SETBP1: variants seen among roughly 807,000 people sequenced by gnomAD.
SETBP1 encodes the protein SET binding protein 1.
SETBP1 carries 9 observed loss-of-function variants against 101.0 expected under a neutral mutation model. That is an observed-to-expected ratio of 0.09 (90% confidence interval 0.05 to 0.16). SETBP1 has a LOEUF of 0.16. Among genes scored for constraint, SETBP1 ranks in the 10% least tolerant of loss-of-function variants. The pLI is 1.00. For missense variants in SETBP1, 1,858 were observed against 2,033.8 expected (o/e 0.91, Z 1.66); for synonymous variants, 818 against 788.5 (o/e 1.04, Z -0.63).
intron 3 of SETBP1, chr18:44,876,781 C>A (rs1599262833): frequency 6.8e-7 from 1 of 1,477,506 alleles, no homozygotes. Flanking sequence ...AAAGCCCACA[C>A]CTGTGGTCAT....
chr18:44,961,394 G>A (rs747304832), intron 4 of SETBP1, among the ~76,000 whole-genome samples: 19 of 152,168 alleles, frequency 1.2e-4, no homozygotes, highest in South Asian at 4.1e-4. Context: ...TTGGAGCCTC[G>A]TGGACTGTGT....
chr18:44,910,674 G>T (rs566078104), intron 3 of SETBP1, among the ~76,000 whole-genome samples: 1 of 152,016 alleles, frequency 6.6e-6, no homozygotes, highest in African/African-American at 2.4e-5. Context: ...TAAATTTCTT[G>T]CCCTGTCATA....
Position 44,877,030 on chromosome 18 carries a change from A to T in SETBP1, c.540+7747A>T, listed in dbSNP as rs371126000. The T allele has an allele frequency of 6.0e-5, 68 of 1,137,990 alleles. No individual in the cohort carries two copies. In the African/African-American group the frequency reaches 1.1e-3, roughly 18 times the overall value. 70.5% of individuals were successfully genotyped at this position (1,137,990 alleles called of 1,614,324 possible). On this transcript the variant is annotated intron_variant, in intron 3 of 5. Transcript: ENST00000649279. Reference sequence around the variant, plus strand: ...TGATCCCATGAGTTTGCTTGCTCAGACGATCACTTAGGAAACACATGCCTT... The same window carrying T: ...TGATCCCATGAGTTTGCTTGCTCAGTCGATCACTTAGGAAACACATGCCTT...
intron 5 of SETBP1, among the ~76,000 whole-genome samples, chr18:45,044,644 A>G (rs1189552820): frequency 2.0e-5 from 3 of 152,208 alleles, no homozygotes; most frequent in Non-Finnish European, 2.9e-5. Flanking sequence ...AACCTTCCAG[A>G]ATCTGACCCT....
rs766932372 is a variant in SETBP1, at chr18:44,952,058, G to A, written c.2718G>A (p.Pro906=). The change falls in exon 4 of 6, where the codon CCG becomes CCA. Residue 906 remains proline (P), a synonymous_variant. Coordinates refer to ENST00000649279, the MANE Select transcript of SETBP1 (RefSeq NM_015559.3). ...CCCTGGACAACCCGGAGGCCATTCC[G>A]TCCGACACCAGCACAAAGAACCGGC... ...FCSLDNPEAI[P]SDTSTKNRHG... is the part of the protein sequence containing the mutation. 8.7e-6 allele frequency: 14 copies of A among 1,613,904 alleles called. No homozygotes were observed. Among genetic ancestry groups the A allele is most frequent in the South Asian group, 1.1e-5 (1 of 91,078 alleles).
rs144197799 is a variant in SETBP1, at chr18:45,042,476, G to A, written c.4171+3821G>A. Among the ~76,000 whole-genome samples the A allele has an allele frequency of 9.7e-4, 147 of 152,228 alleles. 2 individuals carry two copies. The East Asian group carries it at 0.025, about 25-fold the overall frequency. ...TCATTTGACAGGCACTTTGTAGGCCGCTGGAAAATACTTGCCAAATAATTT... is the reference window on the plus strand; with the variant it reads ...TCATTTGACAGGCACTTTGTAGGCCACTGGAAAATACTTGCCAAATAATTT... On this transcript the variant is annotated intron_variant, in intron 5 of 5. Transcript: ENST00000649279.
chr18:44,953,029 C>A lies in SETBP1; in HGVS notation c.3689C>A (p.Thr1230Asn). 1 of 1,614,186 alleles carries A rather than the reference C, an allele frequency of 6.2e-7. No individual in the cohort carries two copies. The highest frequency in any genetic ancestry group is 8.5e-7 in the Non-Finnish European group (1 of 1,180,042). Residue 1230 changes from threonine to asparagine, a missense_variant, in exon 4 of 6, where the codon ACC becomes AAC. Transcript: ENST00000649279. ...TCTAAGAACAACTTTGAGGTGGACA[C>A]CCTGTCTACACTGTCACTTTCCGAC... ...KASKNNFEVDTLSTLSLSDAQ... is the reference protein window; with the variant it reads ...KASKNNFEVDNLSTLSLSDAQ...
intron 2 of SETBP1, among the ~76,000 whole-genome samples, chr18:44,778,928 TCGAGCTG>T (rs3085801): frequency 0.78 from 118,095 of 151,488 alleles, 46,207 homozygotes; most frequent in Admixed American, 0.84. Context: ...GTCAGAGCCT[TCGAGCTG>T]CGAGCTGAGC....
chr18:45,045,935 G>A (rs888955108), intron 5 of SETBP1, among the ~76,000 whole-genome samples: 2 of 151,928 alleles, frequency 1.3e-5, no homozygotes, highest in African/African-American at 4.8e-5. Context: ...CCTTTGAATG[G>A]CTAATTCATG....
intron 2 of SETBP1, among the ~76,000 whole-genome samples, chr18:44,737,006 A>G (rs2069984228): frequency 6.6e-6 from 1 of 152,198 alleles, no homozygotes; most frequent in Admixed American, 6.5e-5. Context: ...TGTTGAACAC[A>G]GGGCCTGGTA....
At chr18:44,910,007 T>C (rs796983374) in intron 3 of SETBP1, among the ~76,000 whole-genome samples, 94 of 152,364 alleles carry the variant, frequency 6.2e-4, no homozygotes, top group African/African-American at 2.2e-3. Context: ...CTATGGTTTC[T>C]TGTCTATGAA....
intron 1 of SETBP1, among the ~76,000 whole-genome samples, chr18:44,693,251 T>C (rs1271632031): frequency 6.6e-6 from 1 of 152,142 alleles, no homozygotes; most frequent in Non-Finnish European, 1.5e-5. Flanking sequence ...AATGAGTAAT[T>C]TGGAGTGTCT....
chr18:45,025,460 T>C (rs909431603), intron 4 of SETBP1, among the ~76,000 whole-genome samples: 2 of 152,186 alleles, frequency 1.3e-5, no homozygotes, highest in Non-Finnish European at 2.9e-5. Context: ...CTACTAGAGA[T>C]AAAGATTAGG....
intron 1 of SETBP1, among the ~76,000 whole-genome samples, chr18:44,686,345 T>C (rs932614140): frequency 1.3e-5 from 2 of 152,256 alleles, no homozygotes; most frequent in Admixed American, 6.5e-5. Flanking sequence ...GTTTCTTCAC[T>C]GACTCTGGAC....
intron 4 of SETBP1, among the ~76,000 whole-genome samples, chr18:44,962,744 G>C (rs545623963): frequency 1.2e-4 from 18 of 152,304 alleles, no homozygotes; most frequent in African/African-American, 4.1e-4. Flanking sequence ...TAAGAAGAAG[G>C]AGGCATTAAG....
At chr18:44,766,804 T>G (rs2070771285) in intron 2 of SETBP1, among the ~76,000 whole-genome samples, 1 of 152,060 alleles carries the variant, frequency 6.6e-6, no homozygotes, top group African/African-American at 2.4e-5. Flanking sequence ...AGACCCTGTC[T>G]CTGAAAAAAA....
chr18:44,945,555 A>G (rs960516915), intron 3 of SETBP1, among the ~76,000 whole-genome samples: 1 of 152,122 alleles, frequency 6.6e-6, no homozygotes. Context: ...ACAAACAATC[A>G]ACTCTTGGGA....
chr18:44,961,156 T>C (rs115194266), intron 4 of SETBP1, among the ~76,000 whole-genome samples: 2,011 of 152,200 alleles, frequency 0.013, 37 homozygotes, highest in African/African-American at 0.046. Context: ...AGAGATGACC[T>C]GGCAACCCAC....
chr18:45,014,570 C>T (rs1451258037), intron 4 of SETBP1, among the ~76,000 whole-genome samples: 2 of 152,154 alleles, frequency 1.3e-5, no homozygotes, highest in Non-Finnish European at 2.9e-5. Flanking sequence ...TGAATTTCCT[C>T]CTGGCACACA....
Sources: allele counts gnomAD v4.1 joint callset (sites outside exome capture counted in the v4.1 genomes callset), GRCh38; gene constraint gnomAD v4.1.1; transcripts MANE v1.5; gene names NCBI Gene and HGNC (gene_info 2026-07-23, HGNC 2026-07-21).